Variants in GRID2 observed in about 807,000 individuals in gnomAD.
The protein encoded by GRID2 is glutamate ionotropic receptor delta type subunit 2.
Under a neutral mutation model 114.8 loss-of-function variants are expected in GRID2, and 33 were observed. The observed-to-expected ratio is 0.29, with a 90% confidence interval of 0.22 to 0.38. The LOEUF is 0.38. Ranked by LOEUF, GRID2 falls within the 10% of genes least tolerant of loss-of-function variation. The pLI, the probability that GRID2 is intolerant of heterozygous loss-of-function variation, is 1.00. For missense variants in GRID2, 1,184 were observed against 1,257.7 expected, an observed-to-expected ratio of 0.94 and a Z score of 0.89; for synonymous variants, 505 against 449.9, an observed-to-expected ratio of 1.12 and a Z score of -1.55.
At position 93,338,023 on chromosome 4, in the gene GRID2, A is replaced by G. The variant is rs112639864; in HGVS notation, c.1246-57584A>G. On this transcript the variant is annotated intron_variant, in intron 8 of 15. Coordinates refer to ENST00000282020, the MANE Select transcript of GRID2 (RefSeq NM_001510.4). ...GTTATCTCTAACAATGTGCTGGTAA[A>G]TTAACAGCTGGCTCTCCAGGTTTAG... Among the ~76,000 whole-genome samples the G allele has an allele frequency of 8.8e-3, 1,335 of 152,252 alleles. 25 individuals are homozygous for G. The highest frequency in any genetic ancestry group is 0.031 in the African/African-American group (1,274 of 41,534).
chr4:92,365,068 A>G (rs1291196292), intron 1 of GRID2, among the ~76,000 whole-genome samples: 1 of 152,076 alleles, frequency 6.6e-6, no homozygotes, highest in Non-Finnish European at 1.5e-5. Flanking sequence ...TATGGCAATT[A>G]TGGAAAATGG....
At chr4:92,798,547 G>A (rs1739999459) in intron 2 of GRID2, among the ~76,000 whole-genome samples, 1 of 152,008 alleles carries the variant, frequency 6.6e-6, no homozygotes, top group South Asian at 2.1e-4. Flanking sequence ...GACCCTTAGA[G>A]ATGATTTACA....
At chr4:93,073,224 G>T (rs1290330108) in intron 2 of GRID2, among the ~76,000 whole-genome samples, 5 of 152,306 alleles carry the variant, frequency 3.3e-5, no homozygotes, top group Non-Finnish European at 5.9e-5. Context: ...GACATTACAA[G>T]AAATGTTTAA....
At chr4:92,439,457 T>C (rs1236174158) in intron 1 of GRID2, among the ~76,000 whole-genome samples, 1 of 151,892 alleles carries the variant, frequency 6.6e-6, no homozygotes, top group African/African-American at 2.4e-5. Context: ...TGTTAAAGTG[T>C]TGGGGTGGTG....
chr4:93,076,952 T>G (rs767167339), intron 2 of GRID2, among the ~76,000 whole-genome samples: 27 of 152,224 alleles, frequency 1.8e-4, no homozygotes, highest in Middle Eastern at 3.2e-3. Context: ...TTGTCATTCC[T>G]GCTTAGTCTC....
chr4:93,329,677 T>C (rs1212580603), intron 8 of GRID2, among the ~76,000 whole-genome samples: 1 of 152,136 alleles, frequency 6.6e-6, no homozygotes, highest in Non-Finnish European at 1.5e-5. Flanking sequence ...AATTTAGAAT[T>C]AACAACAGTT....
At chr4:92,963,903 A>C (rs2149159941) in intron 2 of GRID2, among the ~76,000 whole-genome samples, 1 of 152,182 alleles carries the variant, frequency 6.6e-6, no homozygotes, top group South Asian at 2.1e-4. Flanking sequence ...TTGTGTTCAC[A>C]GGCATAAAAT....
intron 2 of GRID2, among the ~76,000 whole-genome samples, chr4:93,030,471 C>T (rs1188938903): frequency 1.3e-5 from 2 of 151,510 alleles, no homozygotes; most frequent in African/African-American, 2.4e-5. Flanking sequence ...TGCAACCTCT[C>T]CCTCCTGGGT....
At chr4:92,931,654 A>G (rs1272769638) in intron 2 of GRID2, among the ~76,000 whole-genome samples, 1 of 150,682 alleles carries the variant, frequency 6.6e-6, no homozygotes, top group East Asian at 1.9e-4. Context: ...AGCATTCGGA[A>G]TAGATCTAGA....
intron 2 of GRID2, among the ~76,000 whole-genome samples, chr4:92,889,641 C>T (rs530089196): frequency 7.4e-4 from 113 of 152,162 alleles, no homozygotes; most frequent in African/African-American, 2.5e-3. Flanking sequence ...GGAAATATAT[C>T]GCATGCTCAT....
intron 4 of GRID2, among the ~76,000 whole-genome samples, chr4:93,137,537 G>T (rs1327284379): frequency 6.6e-6 from 1 of 152,108 alleles, no homozygotes; most frequent in Non-Finnish European, 1.5e-5. Flanking sequence ...ATTTAGTGAA[G>T]CAAGTAAACA....
chr4:92,657,996 G>A (rs1050068592), intron 2 of GRID2, among the ~76,000 whole-genome samples: 1 of 151,734 alleles, frequency 6.6e-6, no homozygotes, highest in Non-Finnish European at 1.5e-5. Flanking sequence ...TATGGACTTT[G>A]CTAATATATT....
chr4:92,655,631 T>C (rs569414677), intron 2 of GRID2, among the ~76,000 whole-genome samples: 3 of 151,842 alleles, frequency 2.0e-5, no homozygotes, highest in Non-Finnish European at 4.4e-5. Flanking sequence ...TTTTTTTTTG[T>C]AGCCACTCTA....
intron 8 of GRID2, among the ~76,000 whole-genome samples, chr4:93,369,170 C>A (rs1008369917): frequency 6.6e-6 from 1 of 152,098 alleles, no homozygotes; most frequent in Non-Finnish European, 1.5e-5. Context: ...TGATTTTGAG[C>A]GTTTCAGCTT....
intron 1 of GRID2, among the ~76,000 whole-genome samples, chr4:92,343,373 CTG>C (rs1727608524): frequency 6.6e-6 from 1 of 151,974 alleles, no homozygotes. Flanking sequence ...TGTACACTCT[CTG>C]TATTTACAAT....
chr4:92,755,360 T>A lies in GRID2; in HGVS notation c.244+165074T>A, dbSNP rs1737662535. ...GTTTCTGCTTGTAAGAAGCTATCAT[T>A]GTATAGATAAGTAAATAAGCAATTC... is the stretch of plus-strand genomic sequence containing the variant. On this transcript the variant is annotated intron_variant, in intron 2 of 15. Transcript: ENST00000282020. Among the ~76,000 whole-genome samples, 3 of 152,294 alleles carry A rather than the reference T, an allele frequency of 2.0e-5. No individual in the cohort carries two copies. The South Asian group carries it at 6.2e-4, about 32-fold the overall frequency.
intron 15 of GRID2, among the ~76,000 whole-genome samples, chr4:93,770,640 A>T (rs1734031465): frequency 6.6e-6 from 1 of 152,194 alleles, no homozygotes; most frequent in African/African-American, 2.4e-5. Context: ...ATCAAGTCAC[A>T]TTGTAGTGTT....
At chr4:92,712,647 C>A (rs1429389422) in intron 2 of GRID2, among the ~76,000 whole-genome samples, 1 of 152,016 alleles carries the variant, frequency 6.6e-6, no homozygotes, top group African/African-American at 2.4e-5. Context: ...TCAAATAATA[C>A]ATTACAGAAT....
intron 13 of GRID2, among the ~76,000 whole-genome samples, chr4:93,537,877 T>C (rs529132530): frequency 6.6e-6 from 1 of 151,892 alleles, no homozygotes; most frequent in South Asian, 2.1e-4. Flanking sequence ...CCTTTTGTTA[T>C]ATAGGTTCTT....
Sources: gnomAD v4.1 joint callset for allele counts (sites outside exome capture counted in the v4.1 genomes callset) on GRCh38, gnomAD v4.1.1 for gene constraint, MANE v1.5 for transcripts, NCBI Gene and HGNC (gene_info 2026-07-23, HGNC 2026-07-21) for gene names.